The following CNOT2 variants were observed in gnomAD, a reference collection of about 807,000 sequenced individuals.
CNOT2 encodes the protein CC chemokine receptor 4-negative regulator of transcription 2.
In CNOT2, 7 loss-of-function variants were observed where a neutral mutation model predicts 72.1. That is an observed-to-expected ratio of 0.10 (90% CI 0.06 to 0.18). CNOT2 has a LOEUF of 0.18. CNOT2 is among the 10% of genes least tolerant of loss of function. The pLI, the probability that CNOT2 is intolerant of heterozygous loss-of-function variation, is 1.00. For missense variants in CNOT2, 345 were observed against 660.3 expected, an observed-to-expected ratio of 0.52 and a Z score of 5.23; for synonymous variants, 196 against 225.6, an observed-to-expected ratio of 0.87 and a Z score of 1.17.
intron 1 of CNOT2, among the ~76,000 whole-genome samples, chr12:70,262,419 G>T (rs1309006314): frequency 1.3e-5 from 2 of 151,466 alleles, no homozygotes; most frequent in African/African-American, 2.4e-5. Flanking sequence ...GACTACAGGC[G>T]CCCGCCACTA....
intron 2 of CNOT2, among the ~76,000 whole-genome samples, chr12:70,301,094 T>TG: frequency 6.6e-6 from 1 of 152,342 alleles, no homozygotes; most frequent in East Asian, 1.9e-4. Context: ...TTGCTGAAGT[T>TG]GATTATCAGC....
chr12:70,247,366 G>A (rs1957928637), intron 1 of CNOT2, among the ~76,000 whole-genome samples: 1 of 151,996 alleles, frequency 6.6e-6, no homozygotes, highest in South Asian at 2.1e-4. Flanking sequence ...ATGTTGGTCA[G>A]GCATGTCTCA....
At chr12:70,306,196 A>G (rs1405488206) in intron 2 of CNOT2, among the ~76,000 whole-genome samples, 2 of 152,166 alleles carry the variant, frequency 1.3e-5, no homozygotes. Context: ...GGTGTCGGCC[A>G]GGCTAGAGTG....
intron 6 of CNOT2, chr12:70,332,559 A>G (rs1416724821): frequency 4.1e-6 from 3 of 723,034 alleles, no homozygotes; most frequent in East Asian, 4.0e-5. Flanking sequence ...TAATCTGCCT[A>G]AAATGTTCTG....
intron 2 of CNOT2, among the ~76,000 whole-genome samples, chr12:70,308,939 TTAGAA>T (rs1875966957): frequency 1.3e-5 from 2 of 152,150 alleles, no homozygotes; most frequent in Non-Finnish European, 2.9e-5. Context: ...TTATTCTTTC[TTAGAA>T]TTAGAGCTCA....
chr12:70,348,109 C>T (rs1882426780), intron 15 of CNOT2: 1 of 152,178 alleles, frequency 6.6e-6, no homozygotes, highest in South Asian at 2.1e-4. Flanking sequence ...TATATACACA[C>T]ACACATGCTG....
chr12:70,321,700 A>G (rs1017749261), intron 4 of CNOT2: 70 of 151,932 alleles, frequency 4.6e-4, no homozygotes, highest in African/African-American at 1.6e-3. Context: ...TCTACTATCT[A>G]TTGTATGTTC....
intron 15 of CNOT2, among the ~76,000 whole-genome samples, chr12:70,348,529 G>C (rs1263216484): frequency 6.6e-6 from 1 of 152,030 alleles, no homozygotes; most frequent in African/African-American, 2.4e-5. Flanking sequence ...GGAAAGAACT[G>C]AAGTTTTCTC....
At chr12:70,332,698 C>T in intron 6 of CNOT2, 69 bp from the exon 7 acceptor site, 1 of 1,480,058 alleles carries the variant, frequency 6.8e-7, no homozygotes, top group South Asian at 1.5e-5. Context: ...AAAATACACA[C>T]TTCTGTTTTT....
chr12:70,283,930 ATTTTTTT>A (rs776119049), intron 2 of CNOT2, among the ~76,000 whole-genome samples: 10 of 117,460 alleles, frequency 8.5e-5, no homozygotes, highest in East Asian at 2.7e-4. Context: ...CATGATGTAA[ATTTTTTT>A]TTTTTTTTTT....
chr12:70,350,720 C>T (rs960588378), intron 15 of CNOT2, among the ~76,000 whole-genome samples: 3 of 152,156 alleles, frequency 2.0e-5, no homozygotes, highest in Non-Finnish European at 4.4e-5. Context: ...AAATGAATTT[C>T]ATGGTTAGAC....
intron 1 of CNOT2, among the ~76,000 whole-genome samples, chr12:70,261,065 AT>A (rs1199850764): frequency 2.6e-5 from 4 of 151,646 alleles, no homozygotes; most frequent in Admixed American, 6.6e-5. Context: ...TATTTCTAGT[AT>A]GTTGAGTGCT....
chr12:70,249,703 T>C (rs1455992530), intron 1 of CNOT2, among the ~76,000 whole-genome samples: 1 of 152,126 alleles, frequency 6.6e-6, no homozygotes, highest in Admixed American at 6.5e-5. Flanking sequence ...AGCTTGACTT[T>C]TCTGACAATA....
intron 6 of CNOT2, chr12:70,332,327 T>A (rs1880083114): frequency 6.5e-6 from 1 of 152,774 alleles, no homozygotes; most frequent in Non-Finnish European, 1.5e-5. Flanking sequence ...AGATGAATAC[T>A]GTAAGAGAGA....
At chr12:70,288,261 A>G (rs1871264843) in intron 2 of CNOT2, among the ~76,000 whole-genome samples, 1 of 130,780 alleles carries the variant, frequency 7.6e-6, no homozygotes, top group African/African-American at 2.6e-5. Flanking sequence ...CTCCTGCCTC[A>G]GCCTCCCAAG....
At chr12:70,302,535 T>A (rs1376775927) in intron 2 of CNOT2, among the ~76,000 whole-genome samples, 2 of 152,250 alleles carry the variant, frequency 1.3e-5, no homozygotes, top group South Asian at 2.1e-4. Context: ...TTTGAGTGAG[T>A]TTCTTAATCC....
At chr12:70,305,225 A>C (rs1312065493) in intron 2 of CNOT2, among the ~76,000 whole-genome samples, 5 of 152,164 alleles carry the variant, frequency 3.3e-5, no homozygotes. Flanking sequence ...CCGGTACCTC[A>C]GTTGGAAATG....
At chr12:70,302,221 T>G (rs1565787676) in intron 2 of CNOT2, among the ~76,000 whole-genome samples, 1 of 152,148 alleles carries the variant, frequency 6.6e-6, no homozygotes, top group African/African-American at 2.4e-5. Flanking sequence ...TTCCTTCAGT[T>G]CTGCTCTGAT....
chr12:70,308,584 T>TCTCTCTCTCTCTCTCTCTCTCACACACA (rs550679130), intron 2 of CNOT2, among the ~76,000 whole-genome samples: 2 of 133,328 alleles, frequency 1.5e-5, no homozygotes, highest in African/African-American at 5.6e-5. Context: ...TCTCTCTCTC[T>TCTCTCTCTCTCTCTCTCTCTCACACACA]CACACACACA....
Sources: allele counts gnomAD v4.1 joint callset (sites outside exome capture counted in the v4.1 genomes callset), GRCh38; gene constraint gnomAD v4.1.1; transcripts MANE v1.5; gene names NCBI Gene and HGNC (gene_info 2026-07-23, HGNC 2026-07-21).